RNF19A: variants seen among roughly 807,000 people sequenced by gnomAD.
The protein encoded by RNF19A is E3 ubiquitin-protein ligase RNF19A.
In RNF19A, 32 loss-of-function variants were observed where a neutral mutation model predicts 75.7. That is an observed-to-expected ratio of 0.42 (90% confidence interval 0.32 to 0.57). RNF19A has a LOEUF of 0.57. RNF19A is among the 20% of genes least tolerant of loss of function. RNF19A has a pLI of 0.10. For synonymous variants in RNF19A, 335 were observed against 345.2 expected (o/e 0.97, Z 0.33); for missense variants, 782 against 1,036.3 (o/e 0.75, Z 3.37).
chr8:100,270,317 C>T (rs960692047), intron 3 of RNF19A, among the ~76,000 whole-genome samples: 3 of 152,054 alleles, frequency 2.0e-5, no homozygotes, highest in Admixed American at 2.0e-4. Context: ...TTGTGAACTA[C>T]GTAAAGTTTG....
At chr8:100,307,650 T>C (rs982369472) in intron 1 of RNF19A, among the ~76,000 whole-genome samples, 21 of 152,122 alleles carry the variant, frequency 1.4e-4, no homozygotes, top group African/African-American at 4.8e-4. Context: ...ATTACCCATA[T>C]TTAATTCTAA....
intron 7 of RNF19A, among the ~76,000 whole-genome samples, chr8:100,263,607 A>G (rs1423635609): frequency 6.6e-6 from 1 of 152,244 alleles, no homozygotes; most frequent in Non-Finnish European, 1.5e-5. Context: ...TCCTATAGGC[A>G]GTCTATGAAG....
chr8:100,281,453 T>C (rs1820779652), intron 2 of RNF19A, among the ~76,000 whole-genome samples: 1 of 152,228 alleles, frequency 6.6e-6, no homozygotes. Context: ...GAGAATTTCA[T>C]AGTACTATGT....
upstream of RNF19A, among the ~76,000 whole-genome samples, chr8:100,314,555 C>A (rs1822346392): frequency 6.6e-6 from 1 of 152,176 alleles, no homozygotes; most frequent in South Asian, 2.1e-4. The surrounding 1 kb of genome is among the most constrained non-coding windows in gnomAD (Gnocchi z 4.1). Flanking sequence ...AAGGTACTAG[C>A]AGTACCACAA....
chr8:100,259,827 T>G lies in RNF19A; in HGVS notation c.1826+27A>C. The G allele has an allele frequency of 6.3e-7, 1 of 1,578,096 alleles. No individual in the cohort carries two copies. Among genetic ancestry groups the G allele is most frequent in the African/African-American group, 1.4e-5 (1 of 73,808 alleles). ...TATTCCTTTAATTTAAAAAATACTT[T>G]CAATTTTTTAACAGTTTTTTCCTTA... On this transcript the variant is annotated intron_variant, in intron 9 of 9. Coordinates refer to ENST00000341084, the MANE Select transcript of RNF19A (RefSeq NM_183419.4). The surrounding 1 kb of genome is among the most constrained non-coding windows in gnomAD (Gnocchi z 4.5).
chr8:100,310,322 G>A (rs1822257216), upstream of RNF19A: 1 of 844,806 alleles, frequency 1.2e-6, no homozygotes, highest in South Asian at 5.4e-5. Context: ...CCCGACTGCG[G>A]CCCCCACGCC....
intron 1 of RNF19A, among the ~76,000 whole-genome samples, chr8:100,327,460 T>C (rs995280073): frequency 4.6e-5 from 7 of 151,878 alleles, no homozygotes; most frequent in African/African-American, 7.3e-5. Context: ...CCATGTTGGC[T>C]AGGCTGGTCT....
At chr8:100,268,690 A>C in intron 5 of RNF19A, 95 bp downstream of exon 5, 5 of 722,498 alleles carry the variant, frequency 6.9e-6, no homozygotes, top group Non-Finnish European at 1.0e-5. Context: ...GTCTAAAAAA[A>C]AAAAAAAAAA....
intron 5 of RNF19A, among the ~76,000 whole-genome samples, chr8:100,267,247 T>C (rs574366291): frequency 6.6e-6 from 1 of 152,358 alleles, no homozygotes; most frequent in South Asian, 2.1e-4. Flanking sequence ...ACTGAAGATA[T>C]ATTACATAAA....
chr8:100,289,323 C>G (rs990031286), intron 1 of RNF19A, among the ~76,000 whole-genome samples: 3 of 151,966 alleles, frequency 2.0e-5, no homozygotes, highest in African/African-American at 7.3e-5. Flanking sequence ...ACAGAACATA[C>G]AAGAATACCA....
In RNF19A at chr8:100,275,176, A is replaced by G; in HGVS notation, c.675-15T>C. 1.2e-6 allele frequency: 2 copies of G among 1,607,812 alleles called. No homozygotes were observed. Among genetic ancestry groups the G allele is most frequent in the Non-Finnish European group, 1.7e-6 (2 of 1,174,674 alleles). The stretch of plus-strand genomic sequence containing the variant: ...TCACAGCATATCTTGAAAGAACAAG[A>G]AAAATGATTTAAAATGTGACATAAA... On this transcript the variant is annotated splice_polypyrimidine_tract_variant and intron_variant, in intron 2 of 9. Transcript: ENST00000341084. This position sits in a 1 kb window ranked among gnomAD's most constrained non-coding sequence, Gnocchi z 4.3.
chr8:100,265,722 G>A (rs1819942592), intron 5 of RNF19A, among the ~76,000 whole-genome samples: 1 of 152,124 alleles, frequency 6.6e-6, no homozygotes, highest in South Asian at 2.1e-4. Context: ...TGTAAAGTAC[G>A]ATGAGTGTTG....
upstream of RNF19A, chr8:100,312,505 C>T (rs991030028): frequency 1.3e-5 from 2 of 152,264 alleles, no homozygotes; most frequent in Admixed American, 1.3e-4. Flanking sequence ...GGAGGATCAT[C>T]TCCATAGCCT....
In RNF19A at chr8:100,258,464, T is replaced by C; in HGVS notation, c.*92A>G. The C allele has an allele frequency of 9.7e-7, 1 of 1,035,572 alleles. No individual in the cohort carries two copies. The highest frequency in any genetic ancestry group is 1.4e-6 in the Non-Finnish European group (1 of 700,914). 64.1% of individuals were successfully genotyped at this position (1,035,572 alleles called of 1,614,324 possible). On this transcript the variant is annotated 3_prime_UTR_variant, in exon 10 of 10. Transcript: ENST00000341084. The surrounding 1 kb of genome is among the most constrained non-coding windows in gnomAD (Gnocchi z 4.3). ...CATTATGATAATGAAACCCGGCTTT[T>C]GCTGGTAACCTGAAACTTAAGTAGT...
upstream of RNF19A, chr8:100,310,107 C>T (rs1330038834): frequency 1.0e-6 from 1 of 985,466 alleles, no homozygotes; most frequent in Admixed American, 6.1e-5. Flanking sequence ...ACCACCTCCC[C>T]CTCCCGCAGC....
At chr8:100,304,037 ACCT>A (rs1265852751) in intron 1 of RNF19A, among the ~76,000 whole-genome samples, 1 of 152,080 alleles carries the variant, frequency 6.6e-6, no homozygotes, top group Non-Finnish European at 1.5e-5. Context: ...GCTCACTATA[ACCT>A]CCACCTCTCA....
intron 1 of RNF19A, among the ~76,000 whole-genome samples, chr8:100,290,047 C>G (rs1454312101): frequency 3.3e-5 from 5 of 152,084 alleles, no homozygotes; most frequent in Non-Finnish European, 7.4e-5. Context: ...AAGTTCCAAA[C>G]AGAGAGAATT....
intron 1 of RNF19A, among the ~76,000 whole-genome samples, chr8:100,304,890 G>A (rs944373994): frequency 3.9e-5 from 6 of 152,202 alleles, no homozygotes; most frequent in Non-Finnish European, 5.9e-5. Context: ...GTGTTTCAAA[G>A]GCATAATTAA....
At position 100,333,397 on chromosome 8, in the gene RNF19A, C is replaced by T. The variant is rs1811971949; in HGVS notation, c.-243+2711G>A. ...TAAGTAAATCACAGTGCATCTATACCAAGGAAGTTCACATAGCTACAAAAA... is the reference window on the plus strand; with the variant it reads ...TAAGTAAATCACAGTGCATCTATACTAAGGAAGTTCACATAGCTACAAAAA... On this transcript the variant is annotated intron_variant, in intron 1 of 3. Transcript: ENST00000519527. The surrounding 1 kb of genome is among the most constrained non-coding windows in gnomAD (Gnocchi z 4.7). Among the ~76,000 whole-genome samples, 1 of 152,124 alleles carries T rather than the reference C, an allele frequency of 6.6e-6. No homozygotes were observed. Among genetic ancestry groups the T allele is most frequent in the Non-Finnish European group, 1.5e-5 (1 of 68,014 alleles).
Sources: gnomAD v4.1 joint callset for allele counts (sites outside exome capture counted in the v4.1 genomes callset) on GRCh38, gnomAD v4.1.1 for gene constraint, Gnocchi (gnomAD v3.1) non-coding constraint, MANE v1.5 for transcripts, NCBI Gene and HGNC (gene_info 2026-07-23, HGNC 2026-07-21) for gene names.